ADAMTS19: variants seen among roughly 807,000 people sequenced by gnomAD.
ADAMTS19 encodes ADAM metallopeptidase with thrombospondin type 1 motif 19.
Under a neutral mutation model 153.3 loss-of-function variants are expected in ADAMTS19, and 93 were observed. The observed-to-expected ratio is 0.61, with a 90% CI of 0.51 to 0.72. The LOEUF is 0.72. Ranked by LOEUF, ADAMTS19 falls within the 30% of genes least tolerant of loss-of-function variation. The pLI is 0.00. For missense variants in ADAMTS19, 1,482 were observed against 1,552.1 expected (o/e 0.95, Z 0.76); for synonymous variants, 600 against 556.6 (o/e 1.08, Z -1.10).
At chr5:129,475,528 C>A (rs1750196789) in intron 2 of ADAMTS19, among the ~76,000 whole-genome samples, 1 of 152,000 alleles carries the variant, frequency 6.6e-6, no homozygotes, top group Non-Finnish European at 1.5e-5. Context: ...TTTTAATTTT[C>A]TCTTTTCAAA....
chr5:129,632,400 T>C (rs1366976610), intron 10 of ADAMTS19, among the ~76,000 whole-genome samples: 1 of 152,018 alleles, frequency 6.6e-6, no homozygotes, highest in Non-Finnish European at 1.5e-5. Context: ...TTGTAGACCA[T>C]ACAATAAAAT....
At chr5:129,586,469 A>G (rs1749805974) in intron 7 of ADAMTS19, among the ~76,000 whole-genome samples, 1 of 152,178 alleles carries the variant, frequency 6.6e-6, no homozygotes, top group East Asian at 1.9e-4. Context: ...AGTAATGTGT[A>G]TTTAAGTTTC....
chr5:129,526,500 T>C, intron 4 of ADAMTS19, 44 bp downstream of exon 4: 1 of 1,533,386 alleles, frequency 6.5e-7, no homozygotes, highest in Non-Finnish European at 8.8e-7. Context: ...TCAAGAAAAC[T>C]CTAAGGAAGA....
chr5:129,523,947 G>T (rs1263055831), intron 3 of ADAMTS19, among the ~76,000 whole-genome samples: 1 of 152,040 alleles, frequency 6.6e-6, no homozygotes, highest in Non-Finnish European at 1.5e-5. Context: ...TTTCTTCACA[G>T]AATTAGAAAA....
At chr5:129,714,433 A>G (rs2127187026) in intron 21 of ADAMTS19, among the ~76,000 whole-genome samples, 1 of 149,520 alleles carries the variant, frequency 6.7e-6, no homozygotes, top group Non-Finnish European at 1.5e-5. Context: ...CTCAAAAAAA[A>G]AAAAAAAAAA....
intron 3 of ADAMTS19, among the ~76,000 whole-genome samples, chr5:129,524,184 A>G (rs1751922437): frequency 6.6e-6 from 1 of 152,156 alleles, no homozygotes; most frequent in African/African-American, 2.4e-5. Flanking sequence ...ATCTTCGACA[A>G]ACCTGACAAA....
intron 7 of ADAMTS19, among the ~76,000 whole-genome samples, chr5:129,583,414 C>G (rs1017641592): frequency 1.3e-5 from 2 of 152,054 alleles, no homozygotes; most frequent in African/African-American, 4.8e-5. Flanking sequence ...TGAGGAGTAT[C>G]TTTATGGTGT....
intron 4 of ADAMTS19, among the ~76,000 whole-genome samples, chr5:129,527,310 A>G (rs547089256): frequency 6.6e-6 from 1 of 151,890 alleles, no homozygotes; most frequent in Non-Finnish European, 1.5e-5. Flanking sequence ...GGCTGATGTA[A>G]GGATAAATAT....
At chr5:129,484,189 C>T (rs1466835941) in intron 2 of ADAMTS19, among the ~76,000 whole-genome samples, 2 of 152,030 alleles carry the variant, frequency 1.3e-5, no homozygotes, top group African/African-American at 4.8e-5. Flanking sequence ...ATGCTGTACC[C>T]AGATCTCGAA....
In ADAMTS19 at chr5:129,625,615, G is replaced by A. The variant is rs1751999253; in HGVS notation, c.1770+3267G>A. 3.3e-5 allele frequency among the ~76,000 whole-genome samples: 5 copies of A among 152,116 alleles called. No homozygotes were observed. The South Asian group carries it at 1.0e-3, about 32-fold the overall frequency. ...CCAGTGATAATGAGCATTTTTTCAT[G>A]TGTCTGCTGTCTGCATAAATGTCTT... On this transcript the variant is annotated intron_variant, in intron 10 of 22. Transcript: ENST00000274487.
In ADAMTS19 at chr5:129,647,911, C is replaced by G. The variant is rs751210219; in HGVS notation, c.2003+16C>G. 2.5e-6 allele frequency: 4 copies of G among 1,604,650 alleles called. No individual in the cohort carries two copies. In the South Asian group the frequency reaches 3.3e-5, roughly 13 times the overall value. On this transcript the variant is annotated intron_variant, in intron 12 of 22. Transcript: ENST00000274487. The stretch of plus-strand genomic sequence containing the variant: ...AATGTCCTGGGTAAACTCAAAGTTC[C>G]TGGTTGGGGGAGGGCACTTTTCAAT...
At chr5:129,643,150 T>C (rs2127027145) in intron 11 of ADAMTS19, among the ~76,000 whole-genome samples, 1 of 150,444 alleles carries the variant, frequency 6.6e-6, no homozygotes, top group South Asian at 2.1e-4. Context: ...TATACAGATG[T>C]GAATACACAC....
chr5:129,708,379 G>C (rs949087345), intron 21 of ADAMTS19, among the ~76,000 whole-genome samples: 8 of 151,830 alleles, frequency 5.3e-5, no homozygotes, highest in South Asian at 4.2e-4. Context: ...ATCTTTCTTG[G>C]GAGAAAAGAA....
At chr5:129,684,738 A>G (rs1050128847) in intron 18 of ADAMTS19, among the ~76,000 whole-genome samples, 1 of 151,902 alleles carries the variant, frequency 6.6e-6, no homozygotes, top group South Asian at 2.1e-4. Flanking sequence ...CTGTAATCCC[A>G]GCACTCTGGG....
chr5:129,677,685 T>G (rs937371633), intron 16 of ADAMTS19, among the ~76,000 whole-genome samples: 1 of 152,196 alleles, frequency 6.6e-6, no homozygotes, highest in African/African-American at 2.4e-5. Flanking sequence ...ATCCATTCCC[T>G]TAATCCAAGC....
At chr5:129,683,321 A>C (rs1754912521) in intron 17 of ADAMTS19, among the ~76,000 whole-genome samples, 2 of 151,934 alleles carry the variant, frequency 1.3e-5, no homozygotes, top group African/African-American at 4.8e-5. Flanking sequence ...TAGAGAACAA[A>C]ACAGACATGG....
chr5:129,497,874 C>T (rs1248568092), intron 2 of ADAMTS19, among the ~76,000 whole-genome samples: 2 of 151,990 alleles, frequency 1.3e-5, no homozygotes, highest in Non-Finnish European at 2.9e-5. Context: ...ACTGGCCTCC[C>T]TCATTCTACT....
intron 8 of ADAMTS19, 138 bp downstream of exon 8, chr5:129,596,802 G>T: frequency 1.7e-6 from 1 of 571,472 alleles, no homozygotes; most frequent in Non-Finnish European, 3.1e-6. Context: ...AAGGGGTGAA[G>T]ACTGACTACA....
At chr5:129,627,069 T>C (rs1401571913) in intron 10 of ADAMTS19, among the ~76,000 whole-genome samples, 1 of 152,068 alleles carries the variant, frequency 6.6e-6, no homozygotes, top group African/African-American at 2.4e-5. Context: ...TGTCGTGAGA[T>C]GCCCATTACA....
Sources: gnomAD v4.1 joint callset for allele counts (sites outside exome capture counted in the v4.1 genomes callset) on GRCh38, gnomAD v4.1.1 for gene constraint, MANE v1.5 for transcripts, NCBI Gene and HGNC (gene_info 2026-07-23, HGNC 2026-07-21) for gene names.